Variants in DZIP3 observed in about 807,000 individuals in gnomAD.
DZIP3 encodes the protein E3 ubiquitin-protein ligase DZIP3.
DZIP3 carries 118 observed loss-of-function variants against 162.0 expected under a neutral mutation model. That is an observed-to-expected ratio of 0.73 (90% CI 0.63 to 0.85). DZIP3 has a LOEUF of 0.85. Ranked by LOEUF, DZIP3 falls within the 40% of genes least tolerant of loss-of-function variation. The pLI is 0.00. For missense variants in DZIP3, 1,331 were observed against 1,407.0 expected (o/e 0.95, Z 0.86); for synonymous variants, 438 against 458.6 (o/e 0.96, Z 0.57).
At position 108,667,153 on chromosome 3, in the gene DZIP3, C is replaced by CA. The variant is rs533995729; in HGVS notation, c.2424-2518dup. On this transcript the variant is annotated intron_variant, in intron 21 of 32. Coordinates refer to ENST00000361582, the MANE Select transcript of DZIP3 (RefSeq NM_014648.4). ...TGGGCAACATAGCAAGGCTCCATTT[C>CA]AAAAAAAAAAGAAACTGAGAAAGAA... Among the ~76,000 whole-genome samples, 1,144 of 132,420 alleles carry CA rather than the reference C, an allele frequency of 8.6e-3. 10 individuals are homozygous for CA. Among genetic ancestry groups the CA allele is most frequent in the African/African-American group, 0.026 (940 of 35,868 alleles). The allele number at this position is 132,420 out of a possible 152,430, so 86.9% of individuals were successfully genotyped here.
chr3:108,626,511 A>G (rs1048556950), intron 7 of DZIP3, among the ~76,000 whole-genome samples: 2 of 152,244 alleles, frequency 1.3e-5, no homozygotes, highest in Admixed American at 6.5e-5. Context: ...AGTATTGGCT[A>G]CTACTTTTAA....
chr3:108,641,008 T>C (rs1942377825), intron 12 of DZIP3, among the ~76,000 whole-genome samples: 2 of 152,116 alleles, frequency 1.3e-5, no homozygotes, highest in African/African-American at 4.8e-5. Flanking sequence ...AAATCTACTG[T>C]CTTCCTTGTT....
chr3:108,619,605 G>T (rs2107542822), intron 5 of DZIP3, among the ~76,000 whole-genome samples: 1 of 152,146 alleles, frequency 6.6e-6, no homozygotes, highest in Non-Finnish European at 1.5e-5. Context: ...AAGCAAAAAG[G>T]GATGAATTCT....
chr3:108,607,948 G>A, intron 2 of DZIP3, 141 bp from the exon 3 acceptor site: 1 of 698,426 alleles, frequency 1.4e-6, no homozygotes, highest in Non-Finnish European at 2.5e-6. Flanking sequence ...AAAGAGATAT[G>A]GCACCTACCA....
intron 1 of DZIP3, among the ~76,000 whole-genome samples, chr3:108,593,981 G>A (rs1190042422): frequency 6.6e-6 from 1 of 151,888 alleles, no homozygotes; most frequent in African/African-American, 2.4e-5. Flanking sequence ...TTCTAGTATA[G>A]TTACGGATCT....
chr3:108,654,283 A>C lies in DZIP3; in HGVS notation c.2172A>C (p.Glu724Asp). Residue 724 changes from glutamate to aspartate, a missense_variant, in exon 19 of 33, where the codon GAA becomes GAC. This residue lies in a region of DZIP3 where 1,278 missense variants were observed against 1,317.1 expected (regional missense o/e 0.97). Coordinates refer to ENST00000361582, the MANE Select transcript of DZIP3 (RefSeq NM_014648.4). ...AAGACAAGTTCTATAGCCTGGATGA[A>C]TTGCATATTCTGGACATGATAGAGC... ...AMEDKFYSLDELHILDMIEQG... is the reference protein window; with the variant it reads ...AMEDKFYSLDDLHILDMIEQG... The C allele has an allele frequency of 6.2e-7, 1 of 1,613,756 alleles. No homozygotes were observed. The highest frequency in any genetic ancestry group is 1.1e-5 in the South Asian group (1 of 91,078).
chr3:108,676,660 A>T (rs1944121773), intron 25 of DZIP3, among the ~76,000 whole-genome samples: 1 of 150,810 alleles, frequency 6.6e-6, no homozygotes. Flanking sequence ...AAGCAACTGG[A>T]TATTTGTCCA....
chr3:108,644,600 C>A lies in DZIP3; in HGVS notation c.1578C>A (p.Phe526Leu). 1 of 1,614,018 alleles carries A rather than the reference C, an allele frequency of 6.2e-7. No homozygotes were observed. The highest frequency in any genetic ancestry group is 1.3e-5 in the African/African-American group (1 of 75,016). ...ILMNGLTESQ[F>L]NSIWKKVSDI... ...TGAATGGTCTCACTGAGTCACAGTTCAATTCAATTTGGAAAAAAGTTTCAG... is the reference window on the plus strand; with the variant it reads ...TGAATGGTCTCACTGAGTCACAGTTAAATTCAATTTGGAAAAAAGTTTCAG... The change falls in exon 14 of 33, where the codon TTC becomes TTA. Residue 526 changes from phenylalanine (F) to leucine (L), a missense_variant. Coordinates refer to ENST00000361582, the MANE Select transcript of DZIP3 (RefSeq NM_014648.4).
chr3:108,685,127 G>C (rs1048457017), intron 27 of DZIP3, among the ~76,000 whole-genome samples: 1 of 152,004 alleles, frequency 6.6e-6, no homozygotes, highest in South Asian at 2.1e-4. Context: ...TTATTGTCGA[G>C]GCTACCTGTC....
chr3:108,594,771 G>C (rs564937543), intron 1 of DZIP3, among the ~76,000 whole-genome samples: 90 of 151,936 alleles, frequency 5.9e-4, no homozygotes, highest in Non-Finnish European at 7.8e-4. Flanking sequence ...ACATGATCTC[G>C]TTCTTTTTTA....
intron 7 of DZIP3, among the ~76,000 whole-genome samples, chr3:108,628,474 T>C (rs977053776): frequency 2.6e-5 from 4 of 152,188 alleles, no homozygotes; most frequent in African/African-American, 9.7e-5. Context: ...ACCCTTATGG[T>C]TAAATCCTGA....
intron 22 of DZIP3, 67 bp downstream of exon 22, chr3:108,669,816 C>T: frequency 7.8e-7 from 1 of 1,277,996 alleles, no homozygotes; most frequent in Non-Finnish European, 1.1e-6. Context: ...CACTTTCTGG[C>T]TGGCATATTG....
intron 19 of DZIP3, among the ~76,000 whole-genome samples, chr3:108,661,500 G>A (rs1208843050): frequency 1.3e-5 from 2 of 152,140 alleles, no homozygotes; most frequent in Admixed American, 1.3e-4. Flanking sequence ...TGGAGGGAGG[G>A]GGAAGAGATA....
intron 27 of DZIP3, among the ~76,000 whole-genome samples, chr3:108,684,701 CTA>C (rs1427589697): frequency 1.3e-5 from 2 of 152,168 alleles, no homozygotes; most frequent in African/African-American, 4.8e-5. Context: ...TCACAACAAA[CTA>C]TATTATGGCA....
intron 16 of DZIP3, 113 bp downstream of exon 16, chr3:108,648,225 T>C: frequency 9.8e-7 from 1 of 1,016,188 alleles, no homozygotes; most frequent in Non-Finnish European, 1.4e-6. Context: ...TTTCATAGTG[T>C]TTATACAGAG....
chr3:108,675,289 C>T (rs958023367), intron 24 of DZIP3, among the ~76,000 whole-genome samples: 9 of 152,104 alleles, frequency 5.9e-5, no homozygotes, highest in African/African-American at 2.2e-4. Context: ...CTCATTCGTA[C>T]TCAAATAGAA....
intron 26 of DZIP3, among the ~76,000 whole-genome samples, chr3:108,683,551 C>T (rs1235867740): frequency 1.3e-5 from 2 of 152,166 alleles, no homozygotes; most frequent in African/African-American, 4.8e-5. Context: ...TTCTCTGCTC[C>T]AGCCAGCAAG....
chr3:108,622,836 GTCTCTCTCTCTCTC>G (rs368466391), intron 5 of DZIP3, among the ~76,000 whole-genome samples: 7 of 62,812 alleles, frequency 1.1e-4, no homozygotes, highest in African/African-American at 2.4e-4. Context: ...AACAAACAGA[GTCTCTCTCTCTCTC>G]TCTCTCTCTC....
In DZIP3 at chr3:108,687,956, C is replaced by T. The variant is rs1944552962; in HGVS notation, c.3150-20C>T. 6.2e-7 allele frequency: 1 copy of T among 1,613,088 alleles called. No individual in the cohort carries two copies. Among genetic ancestry groups the T allele is most frequent in the Admixed American group, 1.7e-5 (1 of 59,976 alleles). The stretch of plus-strand genomic sequence containing the variant: ...TAAGGAAAATCATTACTGCCCTTTC[C>T]TTTCCTTGATCTCTTGCAGAAAGGA... On this transcript the variant is annotated intron_variant, in intron 28 of 32. Transcript: ENST00000361582.
Sources: allele counts gnomAD v4.1 joint callset (sites outside exome capture counted in the v4.1 genomes callset), GRCh38; gene constraint gnomAD v4.1.1; regional missense constraint gnomAD v4.1.1; transcripts MANE v1.5; gene names NCBI Gene and HGNC (gene_info 2026-07-23, HGNC 2026-07-21).